KNDC1: variants seen among roughly 807,000 people sequenced by gnomAD.
KNDC1 encodes the protein kinase non-catalytic C-lobe domain-containing protein 1.
Under a neutral mutation model 172.8 loss-of-function variants are expected in KNDC1, and 106 were observed. That is an observed-to-expected ratio of 0.61 (90% CI 0.52 to 0.72). KNDC1 has a LOEUF of 0.72. Ranked by LOEUF, KNDC1 falls within the 30% of genes least tolerant of loss-of-function variation. The pLI, the probability that KNDC1 is intolerant of heterozygous loss-of-function variation, is 0.00. For missense variants in KNDC1, 2,325 were observed against 2,394.5 expected (o/e 0.97, Z 0.61); for synonymous variants, 1,083 against 1,062.2 (o/e 1.02, Z -0.38).
At position 133,197,098 on chromosome 10, in the gene KNDC1, G is replaced by A. The variant is rs372086934; in HGVS notation, c.1775G>A (p.Arg592Gln). The A allele has an allele frequency of 2.1e-5, 34 of 1,613,126 alleles. No individual in the cohort carries two copies. Among genetic ancestry groups the A allele is most frequent in the South Asian group, 5.5e-5 (5 of 91,086 alleles). ...CTCCTCCAGCGAGGCATGGACAGCCGGAAAATCCTTGCCCACCTCAGAGCT... is the reference window on the plus strand; with the variant it reads ...CTCCTCCAGCGAGGCATGGACAGCCAGAAAATCCTTGCCCACCTCAGAGCT... The part of the protein sequence containing the change: ...SYLLQRGMDS[R>Q]KILAHLRASI... Residue 592 changes from arginine to glutamine, a missense_variant, in exon 11 of 30, where the codon CGG (arginine) becomes CAG (glutamine). Physicochemically the swap from Arg to Gln is conservative, Grantham distance 43. Transcript: ENST00000304613.
intron 5 of KNDC1, among the ~76,000 whole-genome samples, chr10:133,185,445 ATAGGCAGTGTGTGCAGTGTAGAG>A (rs1564883565): frequency 6.7e-4 from 31 of 46,504 alleles, no homozygotes; most frequent in African/African-American, 8.3e-4. Flanking sequence ...GCAGTGTGGA[ATAGGCAGTGTGTGCAGTGTAGAG>A]TAGGCAGTGT....
chr10:133,212,309 C>A (rs1845385881), intron 23 of KNDC1, among the ~76,000 whole-genome samples: 1 of 152,148 alleles, frequency 6.6e-6, no homozygotes, highest in Non-Finnish European at 1.5e-5. Flanking sequence ...ACCCTCACAT[C>A]CACACGTGCA....
chr10:133,189,047 G>T (rs371790306), intron 7 of KNDC1, among the ~76,000 whole-genome samples: 12 of 152,310 alleles, frequency 7.9e-5, no homozygotes, highest in African/African-American at 2.6e-4. Context: ...CCCCAGGGAG[G>T]CAGCAATTGG....
chr10:133,213,565 C>A, intron 24 of KNDC1, 80 bp from the exon 25 acceptor site: 1 of 1,262,656 alleles, frequency 7.9e-7, no homozygotes, highest in South Asian at 1.2e-5. Context: ...AGAAAACACC[C>A]ACCCTCCCTG....
chr10:133,164,562 G>A (rs1476627501), intron 1 of KNDC1, among the ~76,000 whole-genome samples: 2 of 152,216 alleles, frequency 1.3e-5, no homozygotes, highest in Non-Finnish European at 2.9e-5. Flanking sequence ...TCCTTCCCAA[G>A]TGTCTGCCAC....
At chr10:133,190,401 C>A (rs1564886712) in intron 9 of KNDC1, among the ~76,000 whole-genome samples, 1 of 152,010 alleles carries the variant, frequency 6.6e-6, no homozygotes, top group Non-Finnish European at 1.5e-5. Flanking sequence ...GCAGTAAGCA[C>A]CCTGCACTAA....
chr10:133,189,719 G>T, intron 8 of KNDC1, 33 bp from the exon 9 acceptor site: 1 of 1,613,998 alleles, frequency 6.2e-7, no homozygotes, highest in Non-Finnish European at 8.5e-7. Flanking sequence ...GCTCGCCAGG[G>T]GTGAGGAAAG....
chr10:133,169,059 G>A (rs1424251734), intron 3 of KNDC1, among the ~76,000 whole-genome samples: 1 of 152,238 alleles, frequency 6.6e-6, no homozygotes, highest in Non-Finnish European at 1.5e-5. Context: ...CGAAGCCCAT[G>A]GGCAGAGAAA....
At position 133,211,786 on chromosome 10, in the gene KNDC1, G is replaced by A; in HGVS notation, c.4164G>A (p.Arg1388=). Residue 1388 remains arginine, a synonymous_variant, in exon 23 of 30, where the codon AGG becomes AGA. Coordinates refer to ENST00000304613, the MANE Select transcript of KNDC1 (RefSeq NM_152643.8). The part of the protein sequence containing the change: ...NPRGTDLENP[R]EAEEDARPFN... Reference sequence around the variant, plus strand: ...GCGGCACAGACCTGGAGAACCCCAGGGAGGCCGAGGAGGATGCCAGACCCT... The same window carrying A: ...GCGGCACAGACCTGGAGAACCCCAGAGAGGCCGAGGAGGATGCCAGACCCT... 1.2e-6 allele frequency: 2 copies of A among 1,610,522 alleles called. No homozygotes were observed. The highest frequency in any genetic ancestry group is 2.2e-5 in the South Asian group (2 of 90,980).
rs868593961 is a variant in KNDC1, at chr10:133,160,277, A to C, written c.-191A>C. Among the ~76,000 whole-genome samples the C allele has an allele frequency of 1.9e-3, 247 of 132,926 alleles. 1 individual carries two copies. Among genetic ancestry groups the C allele is most frequent in the African/African-American group, 5.8e-3 (190 of 32,556 alleles). The allele number at this position is 132,926 out of a possible 152,430, so 87.2% of individuals were successfully genotyped here. Reference sequence around the variant, plus strand: ...GGACAGCGCCGCGCAGCCCCCGCGCACCCCGCGCCCCCCGCGCCCCCCGGG... The same window carrying C: ...GGACAGCGCCGCGCAGCCCCCGCGCCCCCCGCGCCCCCCGCGCCCCCCGGG... On this transcript the variant is annotated 5_prime_UTR_variant, in exon 1 of 30. Coordinates refer to ENST00000304613, the MANE Select transcript of KNDC1 (RefSeq NM_152643.8).
chr10:133,198,362 C>A lies in KNDC1; in HGVS notation c.1932C>A (p.Thr644=), dbSNP rs564767775. 1 of 1,592,710 alleles carries A rather than the reference C, an allele frequency of 6.3e-7. No homozygotes were observed. Among genetic ancestry groups the A allele is most frequent in the East Asian group, 2.3e-5 (1 of 43,880 alleles). The part of the protein sequence containing the change: ...SPGFLPVNSD[T]GLVAVPGPVP... ...GCTTCCTGCCGGTGAACAGCGACAC[C>A]GGGCTTGTGGCTGTGCCAGGGCCCG... Residue 644 remains threonine, a synonymous_variant, in exon 13 of 30, where the codon ACC becomes ACA. Transcript: ENST00000304613.
chr10:133,185,704 C>T (rs540613097), intron 5 of KNDC1, among the ~76,000 whole-genome samples: 16 of 150,678 alleles, frequency 1.1e-4, no homozygotes, highest in Non-Finnish European at 1.8e-4. Context: ...AGAGGGAAGC[C>T]CCGCCTGGCC....
chr10:133,200,675 T>C (rs112224013), intron 16 of KNDC1, among the ~76,000 whole-genome samples: 825 of 134,696 alleles, frequency 6.1e-3, no homozygotes, highest in East Asian at 0.045. Context: ...CCAAAGGCCG[T>C]CCTCTCCTGG....
rs756323342 is a variant in KNDC1, at chr10:133,184,093, CTG to C, written c.625+105_625+106del. ...AAACACACCCATGCACACACACACA[CTG>C]CACACACACCCATACTGCACACACA... On this transcript the variant is annotated intron_variant, in intron 5 of 29. Coordinates refer to ENST00000304613, the MANE Select transcript of KNDC1 (RefSeq NM_152643.8). 547 of 619,238 alleles carry C rather than the reference CTG, an allele frequency of 8.8e-4. 2 individuals are homozygous for C. The highest frequency in any genetic ancestry group is 5.9e-3 in the African/African-American group (326 of 55,182). 38.4% of individuals were successfully genotyped at this position (619,238 alleles called of 1,614,324 possible). A position where few individuals can be genotyped will look rare whatever the true frequency, so the allele number is the denominator to read the frequency against.
At chr10:133,164,820 C>T (rs913419341) in intron 1 of KNDC1, among the ~76,000 whole-genome samples, 2 of 152,130 alleles carry the variant, frequency 1.3e-5, no homozygotes, top group African/African-American at 4.8e-5. Context: ...TGGGATGTGG[C>T]GGGGGGAGCC....
Position 133,222,446 on chromosome 10 carries a change from C to A in KNDC1, c.5019-2213C>A, listed in dbSNP as rs202060125. On this transcript the variant is annotated intron_variant, in intron 29 of 29. Transcript: ENST00000304613. ...GCCCATCCAGGCATGCTCTTCCCGG[C>A]GTGTGTGTGTGTGTGTGAGAGCCCA... Among the ~76,000 whole-genome samples the A allele has an allele frequency of 5.7e-3, 246 of 43,204 alleles. 2 individuals carry two copies. Among genetic ancestry groups the A allele is most frequent in the African/African-American group, 0.014 (228 of 16,424 alleles). 28.3% of individuals were successfully genotyped at this position (43,204 alleles called of 152,430 possible).
At chr10:133,223,932 G>A (rs562584019) in intron 29 of KNDC1, among the ~76,000 whole-genome samples, 10 of 102,002 alleles carry the variant, frequency 9.8e-5, no homozygotes, top group East Asian at 3.2e-4. Flanking sequence ...TGCTCTTCCC[G>A]GCGTGTGTGT....
intron 1 of KNDC1, among the ~76,000 whole-genome samples, chr10:133,166,800 G>C (rs574978642): frequency 6.6e-6 from 1 of 152,064 alleles, no homozygotes; most frequent in Non-Finnish European, 1.5e-5. Flanking sequence ...CTGAGCCCTC[G>C]CGGAGTCCAG....
rs1463876347 is a variant in KNDC1 at position 133,197,663 on chromosome 10, C to T, written c.1813-12C>T. 5.6e-6 allele frequency: 9 copies of T among 1,606,976 alleles called. No individual in the cohort carries two copies. Among genetic ancestry groups the T allele is most frequent in the Non-Finnish European group, 7.7e-6 (9 of 1,174,834 alleles). ...GTGGTCACCTGGCCCAGGGCTGTCACCTCCTCCCCAGGTGTACCAGGAGGA... is the reference window on the plus strand; with the variant it reads ...GTGGTCACCTGGCCCAGGGCTGTCATCTCCTCCCCAGGTGTACCAGGAGGA... On this transcript the variant is annotated splice_polypyrimidine_tract_variant and intron_variant, in intron 11 of 29. Transcript: ENST00000304613.
Sources: gnomAD v4.1 joint callset for allele counts (sites outside exome capture counted in the v4.1 genomes callset) on GRCh38, gnomAD v4.1.1 for gene constraint, MANE v1.5 for transcripts, NCBI Gene and HGNC (gene_info 2026-07-23, HGNC 2026-07-21) for gene names.